KAZN: variants seen among roughly 807,000 people sequenced by gnomAD.
KAZN encodes kazrin.
Under a neutral mutation model 87.4 loss-of-function variants are expected in KAZN, and 40 were observed. The ratio of observed to expected loss-of-function variants is 0.46; its 90% CI spans 0.36 to 0.60. The LOEUF is 0.60. KAZN is among the 20% of genes least tolerant of loss of function. The probability of loss-of-function intolerance (pLI) is 0.00; values close to 1 mark genes in which losing one functional copy is unlikely to be tolerated. For missense variants in KAZN, 898 were observed against 1,073.9 expected, an observed-to-expected ratio of 0.84 and a Z score of 2.29; for synonymous variants, 466 against 458.3, an observed-to-expected ratio of 1.02 and a Z score of -0.22.
intron 1 of KAZN, among the ~76,000 whole-genome samples, chr1:14,690,442 G>A (rs1409247729): frequency 4.6e-5 from 7 of 152,106 alleles, no homozygotes; most frequent in Admixed American, 4.6e-4. Context: ...CGTTCTCTGC[G>A]GCCAGTCTGA....
intron 2 of KAZN, among the ~76,000 whole-genome samples, chr1:14,509,295 T>A (rs1670776069): frequency 6.6e-6 from 1 of 152,228 alleles, no homozygotes; most frequent in Admixed American, 6.5e-5. Context: ...TGACTATCCC[T>A]GTTATATAGA....
At chr1:14,896,915 T>C (rs1335919168) in intron 1 of KAZN, among the ~76,000 whole-genome samples, 2 of 152,150 alleles carry the variant, frequency 1.3e-5, no homozygotes, top group Non-Finnish European at 2.9e-5. Context: ...TCACTTAAAC[T>C]CTCTGGGCCT....
At chr1:14,220,405 C>T (rs1389897315) in intron 2 of KAZN, among the ~76,000 whole-genome samples, 1 of 152,326 alleles carries the variant, frequency 6.6e-6, no homozygotes, top group East Asian at 1.9e-4. Flanking sequence ...TCATCCCTAA[C>T]TACCCTGTGG....
At chr1:14,878,109 G>C (rs1652965482) in intron 1 of KAZN, among the ~76,000 whole-genome samples, 1 of 152,098 alleles carries the variant, frequency 6.6e-6, no homozygotes, top group African/African-American at 2.4e-5. Flanking sequence ...GTGACAGAGG[G>C]CACATCACTT....
intron 2 of KAZN, among the ~76,000 whole-genome samples, chr1:14,411,002 G>C (rs1466280777): frequency 6.6e-6 from 1 of 152,066 alleles, no homozygotes; most frequent in African/African-American, 2.4e-5. Flanking sequence ...AGCATCCCTA[G>C]GAAACGAACA....
chr1:14,069,790 T>C lies in KAZN; in HGVS notation c.92-110645T>C, dbSNP rs116786289. Among the ~76,000 whole-genome samples, 347 of 152,304 alleles carry C rather than the reference T, an allele frequency of 2.3e-3. 1 individual carries two copies. Among genetic ancestry groups the C allele is most frequent in the African/African-American group, 8.0e-3 (334 of 41,570 alleles). Reference sequence around the variant, plus strand: ...GTTATCACTGGATGTTTATTCCTTATTAGCCACAAGACAAGGCCATCCTAG... The same window carrying C: ...GTTATCACTGGATGTTTATTCCTTACTAGCCACAAGACAAGGCCATCCTAG... On this transcript the variant is annotated intron_variant, in intron 1 of 16. Coordinates refer to the KAZN transcript ENST00000636203.
At chr1:15,052,109 C>G (rs1272552911) in intron 4 of KAZN, among the ~76,000 whole-genome samples, 1 of 152,040 alleles carries the variant, frequency 6.6e-6, no homozygotes, top group Non-Finnish European at 1.5e-5. Context: ...TGTCAATTGC[C>G]ACAGGAGAGG....
At chr1:14,823,866 C>T (rs2100838456) in intron 1 of KAZN, among the ~76,000 whole-genome samples, 1 of 152,250 alleles carries the variant, frequency 6.6e-6, no homozygotes, top group East Asian at 1.9e-4. Flanking sequence ...GTGATCCCAG[C>T]ACTTTAGGAG....
intron 11 of KAZN, 56 bp from the exon 12 acceptor site, chr1:15,103,303 A>T: frequency 2.3e-6 from 3 of 1,321,098 alleles, no homozygotes; most frequent in Non-Finnish European, 3.2e-6. Flanking sequence ...CCCACTCCAC[A>T]CGTGGCCTCT....
intron 2 of KAZN, among the ~76,000 whole-genome samples, chr1:14,975,457 G>A (rs1313145111): frequency 2.0e-5 from 3 of 152,144 alleles, no homozygotes; most frequent in South Asian, 2.1e-4. Context: ...AGAGAGGAAC[G>A]TTCTAATTTC....
intron 10 of KAZN, among the ~76,000 whole-genome samples, chr1:15,098,256 A>G (rs1036438664): frequency 5.9e-5 from 9 of 152,264 alleles, no homozygotes; most frequent in African/African-American, 2.2e-4. Context: ...CAGATTTTAT[A>G]AAATGTCTGA....
intron 1 of KAZN, among the ~76,000 whole-genome samples, chr1:14,759,399 C>G (rs754981157): frequency 1.3e-5 from 2 of 152,128 alleles, no homozygotes; most frequent in Non-Finnish European, 2.9e-5. Flanking sequence ...TCTCCCACCC[C>G]CTGTTGGAGA....
intron 2 of KAZN, among the ~76,000 whole-genome samples, chr1:14,357,134 C>T (rs1477471679): frequency 1.3e-5 from 2 of 152,094 alleles, no homozygotes; most frequent in Non-Finnish European, 2.9e-5. Flanking sequence ...TGAAGAAGTC[C>T]TTCACATCCC....
intron 1 of KAZN, among the ~76,000 whole-genome samples, chr1:14,625,694 T>G (rs886491171): frequency 6.6e-6 from 1 of 152,232 alleles, no homozygotes; most frequent in African/African-American, 2.4e-5. Flanking sequence ...TCATCCTGCC[T>G]TTCAAAAGTC....
intron 2 of KAZN, among the ~76,000 whole-genome samples, chr1:14,360,815 C>T (rs1363934304): frequency 2.0e-5 from 3 of 152,184 alleles, no homozygotes; most frequent in South Asian, 4.1e-4. Context: ...CTGGAAGCTT[C>T]GTCCCAGAGG....
intron 1 of KAZN, among the ~76,000 whole-genome samples, chr1:14,118,211 C>G (rs1031129446): frequency 6.6e-6 from 1 of 152,202 alleles, no homozygotes; most frequent in Non-Finnish European, 1.5e-5. Flanking sequence ...CTACCAGGTT[C>G]TGGATTCTGT....
chr1:14,260,877 G>C (rs537455091), intron 2 of KAZN, among the ~76,000 whole-genome samples: 1 of 152,198 alleles, frequency 6.6e-6, no homozygotes, highest in East Asian at 1.9e-4. Flanking sequence ...GTAAAGTGAG[G>C]AGTTGGAATT....
chr1:14,390,348 G>A (rs908422818), intron 2 of KAZN, among the ~76,000 whole-genome samples: 11 of 152,246 alleles, frequency 7.2e-5, no homozygotes, highest in East Asian at 1.9e-4. Flanking sequence ...TGTAAACTTC[G>A]AAGAAAATAT....
intron 2 of KAZN, among the ~76,000 whole-genome samples, chr1:14,420,864 C>T (rs985936688): frequency 4.9e-5 from 7 of 143,140 alleles, no homozygotes; most frequent in South Asian, 2.1e-4. Flanking sequence ...CGCACAGCCC[C>T]GGTTGCCGCC....
Sources: gnomAD v4.1 joint callset for allele counts (sites outside exome capture counted in the v4.1 genomes callset) on GRCh38, gnomAD v4.1.1 for gene constraint, MANE v1.5 for transcripts, NCBI Gene and HGNC (gene_info 2026-07-23, HGNC 2026-07-21) for gene names.